The following PRDM6 variants were observed in gnomAD, a reference collection of about 807,000 sequenced individuals.
PRDM6 encodes putative histone-lysine N-methyltransferase PRDM6.
In PRDM6, 25 loss-of-function variants were observed where a neutral mutation model predicts 60.8. That is an observed-to-expected ratio of 0.41 (90% CI 0.30 to 0.57). The LOEUF is 0.57. Among genes scored for constraint, PRDM6 ranks in the 20% least tolerant of loss-of-function variants. PRDM6 has a pLI of 0.27. For synonymous variants in PRDM6, 407 were observed against 357.4 expected, an observed-to-expected ratio of 1.14 and a Z score of -1.57; for missense variants, 839 against 821.3, an observed-to-expected ratio of 1.02 and a Z score of -0.26.
rs987017939 is a variant in PRDM6 at position 123,189,591 on chromosome 5, A to G, written c.*2390A>G. On this transcript the variant is annotated 3_prime_UTR_variant, in exon 8 of 8. Transcript: ENST00000407847. ...AACCTGTACTCCAAAACACTCTTCT[A>G]GTGTTCTGCTCCATTTAAATCTATT... The G allele has an allele frequency of 1.3e-5, 2 of 152,226 alleles. No homozygotes were observed. The highest frequency in any genetic ancestry group is 2.4e-5 in the African/African-American group (1 of 41,452). 9.4% of individuals were successfully genotyped at this position (152,226 alleles called of 1,614,324 possible). A position where few individuals can be genotyped will look rare whatever the true frequency, so the allele number is the denominator to read the frequency against.
intron 4 of PRDM6, 23 bp from the exon 5 acceptor site, chr5:123,159,491 G>C (rs1370858148): frequency 9.0e-6 from 14 of 1,548,996 alleles, no homozygotes; most frequent in Non-Finnish European, 1.1e-5. Flanking sequence ...TTACTAAGCT[G>C]GGTTTTCTTT....
At chr5:123,186,949 G>A in intron 7 of PRDM6, 138 bp from the exon 8 acceptor site, 1 of 623,654 alleles carries the variant, frequency 1.6e-6, no homozygotes, top group South Asian at 1.9e-5. Context: ...CTTGGAAGGA[G>A]CCACCAATTA....
intron 3 of PRDM6, among the ~76,000 whole-genome samples, chr5:123,118,651 A>T (rs1379037137): frequency 6.6e-6 from 1 of 152,230 alleles, no homozygotes; most frequent in South Asian, 2.1e-4. Context: ...GCTGTCAGTC[A>T]GGGTGCACAG....
intron 3 of PRDM6, among the ~76,000 whole-genome samples, chr5:123,106,400 G>A (rs1252082823): frequency 1.3e-5 from 2 of 152,110 alleles, no homozygotes; most frequent in African/African-American, 2.4e-5. Context: ...CAGTGTGGCC[G>A]GGCCTCCTGA....
At position 123,089,982 on chromosome 5, in the gene PRDM6, C is replaced by T. The variant is rs1056868087; in HGVS notation, c.-15-18C>T. On this transcript the variant is annotated intron_variant, in intron 1 of 7. Coordinates refer to ENST00000407847, the MANE Select transcript of PRDM6 (RefSeq NM_001136239.4). The stretch of plus-strand genomic sequence containing the variant: ...CGCCCAGCTCACGCGCCCCCTCTTC[C>T]CTGCCCTCTGCCCCCAGTTCGAGGC... The T allele has an allele frequency of 5.9e-6, 9 of 1,525,898 alleles. No homozygotes were observed. Among genetic ancestry groups the T allele is most frequent in the Non-Finnish European group, 7.1e-6 (8 of 1,129,188 alleles). 94.5% of individuals were successfully genotyped at this position (1,525,898 alleles called of 1,614,324 possible).
Position 123,193,094 on chromosome 5 carries a change from A to C in PRDM6, c.*5893A>C, listed in dbSNP as rs1404919921. The C allele has an allele frequency of 1.3e-5, 2 of 152,368 alleles. No individual in the cohort carries two copies. Among genetic ancestry groups the C allele is most frequent in the South Asian group, 2.1e-4 (1 of 4,824 alleles). 9.4% of individuals were successfully genotyped at this position (152,368 alleles called of 1,614,324 possible). Reference sequence around the variant, plus strand: ...CTCTTTACCGTGGTTTATTGAAACCACAATGTATACTACTTTCCTCCAGAT... The same window carrying C: ...CTCTTTACCGTGGTTTATTGAAACCCCAATGTATACTACTTTCCTCCAGAT... On this transcript the variant is annotated 3_prime_UTR_variant, in exon 8 of 8. Coordinates refer to ENST00000407847, the MANE Select transcript of PRDM6 (RefSeq NM_001136239.4).
chr5:123,153,496 G>A (rs1580522449), intron 3 of PRDM6, among the ~76,000 whole-genome samples: 1 of 152,242 alleles, frequency 6.6e-6, no homozygotes, highest in African/African-American at 2.4e-5. Context: ...TAGGTGCATG[G>A]GATTTGCGTC....
In PRDM6 at chr5:123,099,753, C is replaced by T; in HGVS notation, c.692C>T (p.Ala231Val). 6.5e-7 allele frequency: 1 copy of T among 1,546,198 alleles called. No homozygotes were observed. Among genetic ancestry groups the T allele is most frequent in the East Asian group, 2.5e-5 (1 of 40,764 alleles). ...RLVGTSSAAA[A>V]APPPELPEWL... ...GTGGGCACCAGCAGCGCTGCGGCCG[C>T]CGCGCCCCCGCCGGAGCTGCCGGAG... is the stretch of plus-strand genomic sequence containing the variant. The change falls in exon 3 of 8, where the codon GCC becomes GTC. Residue 231 changes from alanine (A) to valine (V), a missense_variant. Transcript: ENST00000407847. The surrounding 1 kb of genome is among the most constrained non-coding windows in gnomAD (Gnocchi z 4.0).
At position 123,189,854 on chromosome 5, in the gene PRDM6, G is replaced by A. The variant is rs1349172495; in HGVS notation, c.*2653G>A. 1.3e-5 allele frequency: 2 copies of A among 152,218 alleles called. No individual in the cohort carries two copies. The highest frequency in any genetic ancestry group is 2.4e-5 in the African/African-American group (1 of 41,448). The allele number at this position is 152,218 out of a possible 1,614,324, so 9.4% of individuals were successfully genotyped here. A position where few individuals can be genotyped will look rare whatever the true frequency, so the allele number is the denominator to read the frequency against. On this transcript the variant is annotated 3_prime_UTR_variant, in exon 8 of 8. Transcript: ENST00000407847. Reference sequence around the variant, plus strand: ...GACTTGGAACCCTGAAGCAGGTACTGAGATCATTTGGGTCCAAAATGATTT... The same window carrying A: ...GACTTGGAACCCTGAAGCAGGTACTAAGATCATTTGGGTCCAAAATGATTT...
intron 7 of PRDM6, 25 bp downstream of exon 7, chr5:123,180,348 C>T (rs753892050): frequency 1.3e-6 from 2 of 1,530,690 alleles, no homozygotes; most frequent in Non-Finnish European, 1.8e-6. Flanking sequence ...GCCCTCCACC[C>T]TCTCTTTCTC....
intron 5 of PRDM6, among the ~76,000 whole-genome samples, chr5:123,164,227 G>T (rs567832839): frequency 1.3e-5 from 2 of 152,320 alleles, no homozygotes; most frequent in East Asian, 3.9e-4. Context: ...ACAGCAGAGA[G>T]CTTGAGCTCG....
chr5:123,163,969 C>T (rs1392379432), intron 5 of PRDM6, among the ~76,000 whole-genome samples: 7 of 152,098 alleles, frequency 4.6e-5, no homozygotes, highest in Admixed American at 3.9e-4. Context: ...GTGCCCCTCA[C>T]CCCCACCGTT....
At position 123,187,759 on chromosome 5, in the gene PRDM6, T is replaced by C. The variant is rs904803012; in HGVS notation, c.*558T>C. On this transcript the variant is annotated 3_prime_UTR_variant, in exon 8 of 8. Coordinates refer to ENST00000407847, the MANE Select transcript of PRDM6 (RefSeq NM_001136239.4). ...GCCCCAGACGCATCCCATTTCCATG[T>C]CTTCCATGCTCACTGCTCATGCACT... is the stretch of plus-strand genomic sequence containing the variant. 6.5e-6 allele frequency: 1 copy of C among 152,690 alleles called. No homozygotes were observed. The highest frequency in any genetic ancestry group is 1.9e-4 in the East Asian group (1 of 5,212). 9.5% of individuals were successfully genotyped at this position (152,690 alleles called of 1,614,324 possible).
At chr5:123,151,191 C>T (rs1765361280) in intron 3 of PRDM6, among the ~76,000 whole-genome samples, 1 of 152,076 alleles carries the variant, frequency 6.6e-6, no homozygotes, top group African/African-American at 2.4e-5. Context: ...CAACCAAATG[C>T]CAGTATCTGG....
rs1766082405 is a variant in PRDM6, at chr5:123,179,122, GATTCTGCTT to G, written c.1497-1023_1497-1015del. ...TCCCTGGGTTTTATATCACTCACCA[GATTCTGCTT>G]AAGTAAGCAGAAGAACTTCTGTAGA... On this transcript the variant is annotated intron_variant, in intron 6 of 7. Transcript: ENST00000407847. 2.6e-5 allele frequency among the ~76,000 whole-genome samples: 4 copies of G among 152,232 alleles called. No homozygotes were observed. In the South Asian group the frequency reaches 8.3e-4, roughly 32 times the overall value.
At chr5:123,114,725 G>A (rs955770544) in intron 3 of PRDM6, among the ~76,000 whole-genome samples, 3 of 152,244 alleles carry the variant, frequency 2.0e-5, no homozygotes, top group African/African-American at 7.2e-5. Flanking sequence ...GGGGAGGCCA[G>A]GGTGCTGAAA....
chr5:123,152,435 A>T (rs1015196076), intron 3 of PRDM6, among the ~76,000 whole-genome samples: 2 of 152,146 alleles, frequency 1.3e-5, no homozygotes, highest in Admixed American at 6.5e-5. Flanking sequence ...AGATAAAATT[A>T]AAAAAATTTT....
intron 3 of PRDM6, among the ~76,000 whole-genome samples, chr5:123,124,931 A>G (rs1031411879): frequency 3.3e-5 from 5 of 152,198 alleles, no homozygotes; most frequent in African/African-American, 9.6e-5. Flanking sequence ...GTGGGAAAAA[A>G]GGTCCATGAT....
Position 123,188,328 on chromosome 5 carries a change from A to G in PRDM6, c.*1127A>G, listed in dbSNP as rs934351353. ...AGAACAGATAGCCCAGGAGCAGCTAATTTTATCAATAGGATTACTTTGTCT... is the reference window on the plus strand; with the variant it reads ...AGAACAGATAGCCCAGGAGCAGCTAGTTTTATCAATAGGATTACTTTGTCT... On this transcript the variant is annotated 3_prime_UTR_variant, in exon 8 of 8. Coordinates refer to ENST00000407847, the MANE Select transcript of PRDM6 (RefSeq NM_001136239.4). 6.6e-6 allele frequency: 1 copy of G among 152,184 alleles called. No homozygotes were observed. The highest frequency in any genetic ancestry group is 2.4e-5 in the African/African-American group (1 of 41,442). The allele number at this position is 152,184 out of a possible 1,614,324, so 9.4% of individuals were successfully genotyped here. A position where few individuals can be genotyped will look rare whatever the true frequency, so the allele number is the denominator to read the frequency against.
Sources: gnomAD v4.1 joint callset for allele counts (sites outside exome capture counted in the v4.1 genomes callset) on GRCh38, gnomAD v4.1.1 for gene constraint, Gnocchi (gnomAD v3.1) non-coding constraint, MANE v1.5 for transcripts, NCBI Gene and HGNC (gene_info 2026-07-23, HGNC 2026-07-21) for gene names.